The following ENTREP2 variants were observed in gnomAD, a reference collection of about 807,000 sequenced individuals.
ENTREP2 encodes the protein endosomal transmembrane epsin interactor 2.
At chr15:29,640,173 G>GA in the ENTREP2 span, among the ~76,000 whole-genome samples, 285 of 152,218 alleles carry the variant, frequency 1.9e-3, no homozygotes, top group African/African-American at 6.5e-3. Context: ...AAATGAATGA[G>GA]AAGCCATTGC....
chr15:29,287,500 A>G, the ENTREP2 span, among the ~76,000 whole-genome samples: 1 of 152,196 alleles, frequency 6.6e-6, no homozygotes, highest in African/African-American at 2.4e-5. Flanking sequence ...GCAATAGATA[A>G]CCAAAACACC....
chr15:29,262,339 C>T, the ENTREP2 span, among the ~76,000 whole-genome samples: 1,054 of 152,320 alleles, frequency 6.9e-3, 8 homozygotes, highest in African/African-American at 0.024. Flanking sequence ...AAAAGACCCT[C>T]ATTTCAGAAA....
chr15:29,171,481 C>T, the ENTREP2 span, among the ~76,000 whole-genome samples: 1 of 152,208 alleles, frequency 6.6e-6, no homozygotes. Context: ...AACTCAGGCA[C>T]AGCTGCAGTG....
chr15:29,200,703 T>TGC, the ENTREP2 span, among the ~76,000 whole-genome samples: 3 of 151,558 alleles, frequency 2.0e-5, no homozygotes, highest in Non-Finnish European at 4.4e-5. Flanking sequence ...GGATTACAGG[T>TGC]GCCCGCCACC....
At chr15:29,591,969 A>G in the ENTREP2 span, among the ~76,000 whole-genome samples, 1 of 152,216 alleles carries the variant, frequency 6.6e-6, no homozygotes, top group Non-Finnish European at 1.5e-5. Context: ...ATGGCTGGCA[A>G]ACACAGAAAC....
chr15:29,124,078 A>T, the ENTREP2 span, among the ~76,000 whole-genome samples: 1 of 148,704 alleles, frequency 6.7e-6, no homozygotes, highest in Non-Finnish European at 1.5e-5. Flanking sequence ...CAGAGGGAAC[A>T]TGAGACCGCC....
chr15:29,664,286 G>C, the ENTREP2 span, among the ~76,000 whole-genome samples: 2 of 152,188 alleles, frequency 1.3e-5, no homozygotes, highest in Non-Finnish European at 2.9e-5. Flanking sequence ...ACTCTGGTCT[G>C]TGGTCAACAG....
chr15:29,444,098 G>A, the ENTREP2 span, among the ~76,000 whole-genome samples: 9 of 151,308 alleles, frequency 5.9e-5, no homozygotes, highest in Admixed American at 1.3e-4. Context: ...GCAAGACTCC[G>A]TCTCAAAAAG....
the ENTREP2 span, among the ~76,000 whole-genome samples, chr15:29,408,389 TC>T: frequency 9.4e-5 from 14 of 149,484 alleles, no homozygotes; most frequent in African/African-American, 3.2e-4. Context: ...AGCTGGGAAA[TC>T]CTGGGCTTGT....
chr15:29,301,147 G>T, the ENTREP2 span, among the ~76,000 whole-genome samples: 14 of 152,214 alleles, frequency 9.2e-5, no homozygotes, highest in African/African-American at 2.9e-4. Context: ...ATCAACAGGA[G>T]TTTTTTGACA....
chr15:29,503,921 T>C, the ENTREP2 span, among the ~76,000 whole-genome samples: 2 of 152,198 alleles, frequency 1.3e-5, no homozygotes, highest in African/African-American at 2.4e-5. Context: ...ATTTACAATT[T>C]TGTATTCTTT....
At chr15:29,231,906 T>TTTTTTTTTTTTTTA in the ENTREP2 span, among the ~76,000 whole-genome samples, 1 of 149,582 alleles carries the variant, frequency 6.7e-6, no homozygotes, top group Admixed American at 6.7e-5. Context: ...TTTTTTTTTT[T>TTTTTTTTTTTTTTA]TTGAGACGGA....
chr15:29,536,929 A>G, the ENTREP2 span, among the ~76,000 whole-genome samples: 1 of 152,044 alleles, frequency 6.6e-6, no homozygotes, highest in Non-Finnish European at 1.5e-5. Flanking sequence ...GGATCTATCT[A>G]CCTGGAGTCT....
the ENTREP2 span, chr15:29,123,387 G>A: frequency 2.1e-5 from 32 of 1,546,132 alleles, no homozygotes; most frequent in East Asian, 6.9e-4. Context: ...CCTCCTCGAG[G>A]CGCTCCTCGT....
the ENTREP2 span, among the ~76,000 whole-genome samples, chr15:29,433,859 T>C: frequency 6.6e-6 from 1 of 151,206 alleles, no homozygotes; most frequent in South Asian, 2.1e-4. Context: ...ACCACCCTCA[T>C]CCTCTCATAA....
chr15:29,250,706 A>T, the ENTREP2 span, among the ~76,000 whole-genome samples: 1 of 152,156 alleles, frequency 6.6e-6, no homozygotes, highest in South Asian at 2.1e-4. Context: ...AGTTCCTTGT[A>T]GGTCACCAGA....
the ENTREP2 span, among the ~76,000 whole-genome samples, chr15:29,504,563 A>T: frequency 6.6e-6 from 1 of 152,234 alleles, no homozygotes; most frequent in East Asian, 1.9e-4. Flanking sequence ...TTGAGACACC[A>T]TGAAGAAGAA....
At chr15:29,306,621 A>G in the ENTREP2 span, among the ~76,000 whole-genome samples, 4 of 147,066 alleles carry the variant, frequency 2.7e-5, no homozygotes, top group African/African-American at 9.8e-5. Flanking sequence ...CTCAAGAGGA[A>G]GTTATAGTAG....
chr15:29,491,196 C>G, the ENTREP2 span, among the ~76,000 whole-genome samples: 2 of 152,322 alleles, frequency 1.3e-5, no homozygotes, highest in South Asian at 2.1e-4. Flanking sequence ...TGCACCCACC[C>G]AGATCTTGGG....
Sources: allele counts gnomAD v4.1 joint callset (sites outside exome capture counted in the v4.1 genomes callset), GRCh38; gene constraint gnomAD v4.1.1; transcripts MANE v1.5; gene names NCBI Gene and HGNC (gene_info 2026-07-23, HGNC 2026-07-21).